Variants in MVB12B observed in about 807,000 individuals in gnomAD.
MVB12B encodes the protein ESCRT-I complex subunit MVB12B.
Under a neutral mutation model 41.6 loss-of-function variants are expected in MVB12B, and 16 were observed. The observed-to-expected ratio is 0.38, with a 90% CI of 0.26 to 0.58. The LOEUF is 0.58. Among genes scored for constraint, MVB12B ranks in the 20% least tolerant of loss-of-function variants. The pLI, the probability that MVB12B is intolerant of heterozygous loss-of-function variation, is 0.62. For missense variants in MVB12B, 274 were observed against 380.2 expected, an observed-to-expected ratio of 0.72 and a Z score of 2.32; for synonymous variants, 133 against 139.7, an observed-to-expected ratio of 0.95 and a Z score of 0.34.
intron 8 of MVB12B, among the ~76,000 whole-genome samples, chr9:126,482,991 G>A (rs562609512): frequency 4.6e-5 from 7 of 152,264 alleles, no homozygotes; most frequent in Non-Finnish European, 1.0e-4. Flanking sequence ...TTGAGTCTGG[G>A]TCCTCAGACT....
At chr9:126,350,924 C>T (rs1829728514) in intron 2 of MVB12B, among the ~76,000 whole-genome samples, 1 of 152,148 alleles carries the variant, frequency 6.6e-6, no homozygotes, top group African/African-American at 2.4e-5. Flanking sequence ...CTACAAAAAA[C>T]TTGTTGGGGT....
In MVB12B at chr9:126,460,066, A is replaced by G. The variant is rs570091173; in HGVS notation, c.758-21303A>G. Among the ~76,000 whole-genome samples, 13 of 152,232 alleles carry G rather than the reference A, an allele frequency of 8.5e-5. No individual in the cohort carries two copies. The East Asian group carries it at 9.7e-4, about 11-fold the overall frequency. On this transcript the variant is annotated intron_variant, in intron 7 of 9. Coordinates refer to ENST00000361171, the MANE Select transcript of MVB12B (RefSeq NM_033446.3). ...TAGTGGCTCTAGAGGATGTCTGCCT[A>G]TCTTCTTGAGGGGGCCCCTAGGGGT...
chr9:126,396,258 T>C (rs1831111230), intron 6 of MVB12B: 1 of 986,856 alleles, frequency 1.0e-6, no homozygotes, highest in Admixed American at 6.0e-5. Context: ...GCTCTGCAAC[T>C]GATTTCAGTC....
intron 1 of MVB12B, among the ~76,000 whole-genome samples, chr9:126,331,090 A>G (rs1177586088): frequency 6.6e-6 from 1 of 152,006 alleles, no homozygotes; most frequent in African/African-American, 2.4e-5. Context: ...TCTCTTTGAG[A>G]CCCCGATTTA....
chr9:126,457,512 A>AT (rs896395653), intron 7 of MVB12B, among the ~76,000 whole-genome samples: 3 of 152,014 alleles, frequency 2.0e-5, no homozygotes, highest in African/African-American at 4.8e-5. Flanking sequence ...CATGAATGTT[A>AT]TTTTTTTAAA....
At chr9:126,336,317 T>C (rs1241692673) in intron 1 of MVB12B, among the ~76,000 whole-genome samples, 7 of 152,206 alleles carry the variant, frequency 4.6e-5, no homozygotes, top group Non-Finnish European at 1.0e-4. Context: ...AGTAGCTCTG[T>C]TTTCTCCCAG....
chr9:126,401,031 C>T (rs1200333224), intron 6 of MVB12B, among the ~76,000 whole-genome samples: 1 of 152,202 alleles, frequency 6.6e-6, no homozygotes, highest in Non-Finnish European at 1.5e-5. Flanking sequence ...AGCCTCACCC[C>T]ACCCTTCCTG....
At chr9:126,330,861 G>A (rs1588077079) in intron 1 of MVB12B, among the ~76,000 whole-genome samples, 1 of 152,108 alleles carries the variant, frequency 6.6e-6, no homozygotes, top group African/African-American at 2.4e-5. Flanking sequence ...GGATCATACA[G>A]TATTTGTCTT....
intron 9 of MVB12B, among the ~76,000 whole-genome samples, chr9:126,500,737 G>A (rs1833937665): frequency 6.6e-6 from 1 of 152,240 alleles, no homozygotes; most frequent in Admixed American, 6.5e-5. Context: ...CCGCAGGCAT[G>A]TGTGCCCGTG....
intron 2 of MVB12B, among the ~76,000 whole-genome samples, chr9:126,368,152 G>A (rs1416112079): frequency 6.6e-6 from 1 of 152,218 alleles, no homozygotes; most frequent in Non-Finnish European, 1.5e-5. Flanking sequence ...CTTTGGTGCT[G>A]TAACTACAAC....
rs1270764809 is a variant in MVB12B, at chr9:126,367,189, G to C, written c.205-13875G>C. ...TCTGGTGCCTCCCATCTCGACTCCA[G>C]GTTTCTCCTATAAGCGCCACTCTGA... is the stretch of plus-strand genomic sequence containing the variant. On this transcript the variant is annotated intron_variant, in intron 2 of 9. Coordinates refer to ENST00000361171, the MANE Select transcript of MVB12B (RefSeq NM_033446.3). The surrounding 1 kb of genome is among the most constrained non-coding windows in gnomAD (Gnocchi z 4.3). Among the ~76,000 whole-genome samples the C allele has an allele frequency of 6.6e-6, 1 of 152,092 alleles. No individual in the cohort carries two copies. Among genetic ancestry groups the C allele is most frequent in the Non-Finnish European group, 1.5e-5 (1 of 68,016 alleles).
chr9:126,463,073 C>T (rs1288240523), intron 7 of MVB12B, among the ~76,000 whole-genome samples: 1 of 152,194 alleles, frequency 6.6e-6, no homozygotes, highest in Non-Finnish European at 1.5e-5. Flanking sequence ...CTCATCTCCC[C>T]ACTGTCCTGC....
At chr9:126,377,265 AGTGT>A (rs1830508154) in intron 2 of MVB12B, among the ~76,000 whole-genome samples, 2 of 152,168 alleles carry the variant, frequency 1.3e-5, no homozygotes, top group Non-Finnish European at 2.9e-5. Flanking sequence ...AGAATGTGTG[AGTGT>A]GAGTGTGCAA....
intron 7 of MVB12B, among the ~76,000 whole-genome samples, chr9:126,466,331 A>G (rs375361666): frequency 6.6e-6 from 1 of 152,156 alleles, no homozygotes; most frequent in East Asian, 1.9e-4. Flanking sequence ...CCAGCACTCC[A>G]AAGCCAGGGA....
chr9:126,387,405 C>T (rs150004341), intron 4 of MVB12B, among the ~76,000 whole-genome samples: 56 of 152,322 alleles, frequency 3.7e-4, no homozygotes, highest in African/African-American at 1.2e-3. Context: ...CCTTTCATTA[C>T]GACTCAGGGT....
intron 2 of MVB12B, among the ~76,000 whole-genome samples, chr9:126,363,058 G>T (rs1005082104): frequency 4.6e-5 from 7 of 151,844 alleles, no homozygotes; most frequent in Non-Finnish European, 8.8e-5. Context: ...GTAGTGGCGG[G>T]CGCCTGTAAT....
At chr9:126,475,110 C>T (rs191422568) in intron 7 of MVB12B, among the ~76,000 whole-genome samples, 7 of 151,524 alleles carry the variant, frequency 4.6e-5, no homozygotes, top group African/African-American at 9.7e-5. Flanking sequence ...GTTGGGTTTT[C>T]GGACCTACAC....
At chr9:126,373,503 G>A (rs922825719) in intron 2 of MVB12B, among the ~76,000 whole-genome samples, 3 of 152,240 alleles carry the variant, frequency 2.0e-5, no homozygotes, top group African/African-American at 7.2e-5. Flanking sequence ...AATGTCTGCA[G>A]GATTTCCTGG....
intron 6 of MVB12B, chr9:126,397,057 C>T (rs1831136851): frequency 3.0e-6 from 3 of 985,510 alleles, no homozygotes; most frequent in Non-Finnish European, 3.6e-6. Context: ...ACCTGTGTGT[C>T]GGGGTCCTCC....
Sources: gnomAD v4.1 joint callset for allele counts (sites outside exome capture counted in the v4.1 genomes callset) on GRCh38, gnomAD v4.1.1 for gene constraint, Gnocchi (gnomAD v3.1) non-coding constraint, MANE v1.5 for transcripts, NCBI Gene and HGNC (gene_info 2026-07-23, HGNC 2026-07-21) for gene names.